Variants in MCTP2 observed in about 807,000 individuals in gnomAD.
MCTP2 encodes multiple C2 and transmembrane domain-containing protein 2.
MCTP2 carries 132 observed loss-of-function variants against 111.6 expected under a neutral mutation model. The ratio of observed to expected loss-of-function variants is 1.18; its 90% CI spans 1.03 to 1.37. The LOEUF (loss-of-function observed/expected upper bound fraction) is 1.37. Ranked by LOEUF, MCTP2 falls within the 40% of genes most tolerant of loss-of-function variation. The probability of loss-of-function intolerance (pLI) is 0.00; values close to 1 mark genes in which losing one functional copy is unlikely to be tolerated. For synonymous variants in MCTP2, 395 were observed against 387.7 expected (o/e 1.02, Z -0.22); for missense variants, 1,183 against 1,067.9 (o/e 1.11, Z -1.50).
At chr15:94,369,680 TAA>T (rs1465467245) in intron 11 of MCTP2, among the ~76,000 whole-genome samples, 2 of 152,156 alleles carry the variant, frequency 1.3e-5, no homozygotes, top group Non-Finnish European at 1.5e-5. Context: ...CTGGAATCCA[TAA>T]AGTTTGTACT....
chr15:94,397,840 AT>A (rs1232603555), intron 14 of MCTP2, among the ~76,000 whole-genome samples: 5 of 152,202 alleles, frequency 3.3e-5, no homozygotes, highest in Admixed American at 6.5e-5. Flanking sequence ...GAAATTTTTG[AT>A]CATTACAATC....
In MCTP2 at chr15:94,370,082, C is replaced by T. The variant is rs768394244; in HGVS notation, c.1489-5C>T. On this transcript the variant is annotated splice_polypyrimidine_tract_variant and splice_region_variant and intron_variant, in intron 11 of 22. Coordinates refer to ENST00000357742, the MANE Select transcript of MCTP2 (RefSeq NM_001385001.1). Reference sequence around the variant, plus strand: ...TTTCACTTGTATCACCTTTTCAACCCTCAGTGCTTACAGAACTCCCTGAAA... The same window carrying T: ...TTTCACTTGTATCACCTTTTCAACCTTCAGTGCTTACAGAACTCCCTGAAA... 5.0e-6 allele frequency: 8 copies of T among 1,605,514 alleles called. No homozygotes were observed. Among genetic ancestry groups the T allele is most frequent in the African/African-American group, 1.3e-5 (1 of 74,298 alleles).
At chr15:94,472,302 G>A (rs951327644) in intron 21 of MCTP2, among the ~76,000 whole-genome samples, 1 of 152,156 alleles carries the variant, frequency 6.6e-6, no homozygotes, top group African/African-American at 2.4e-5. Flanking sequence ...GCTTGAATCC[G>A]GGAGGCGGAA....
At chr15:94,345,679 C>T (rs1030765328) in intron 8 of MCTP2, among the ~76,000 whole-genome samples, 1 of 152,142 alleles carries the variant, frequency 6.6e-6, no homozygotes, top group African/African-American at 2.4e-5. Context: ...AGCAATTATA[C>T]ATTTCTGTCT....
chr15:94,466,191 T>C (rs944144389), intron 20 of MCTP2, among the ~76,000 whole-genome samples: 7 of 152,180 alleles, frequency 4.6e-5, no homozygotes, highest in African/African-American at 1.7e-4. Context: ...TATGATTTAA[T>C]ATATTGGATT....
Position 94,268,184 on chromosome 15 carries a change from CT to C in MCTP2, c.-65-30003del, listed in dbSNP as rs370731655. Among the ~76,000 whole-genome samples the C allele has an allele frequency of 5.2e-3, 687 of 132,250 alleles. 6 individuals are homozygous for C. The highest frequency in any genetic ancestry group is 0.016 in the African/African-American group (559 of 35,106). 86.8% of individuals were successfully genotyped at this position (132,250 alleles called of 152,430 possible). On this transcript the variant is annotated intron_variant, in intron 1 of 22. Coordinates refer to ENST00000357742, the MANE Select transcript of MCTP2 (RefSeq NM_001385001.1). Reference sequence around the variant, plus strand: ...CCCGGCCCAAATTCATTCTTTCTTTCTTTTTTTTTTTTTTGAGACAGAGTTT... The same window carrying C: ...CCCGGCCCAAATTCATTCTTTCTTTCTTTTTTTTTTTTTGAGACAGAGTTT...
rs1166874670 is a variant in MCTP2, at chr15:94,479,135, G to A, written c.*101G>A. ...GGTACCCAAGGTGTCCTTCTGAAAT[G>A]CATGCCCTGTGGCACCCTCTGTATA... On this transcript the variant is annotated 3_prime_UTR_variant, in exon 23 of 23. Transcript: ENST00000357742. 4.3e-6 allele frequency: 5 copies of A among 1,165,776 alleles called. No individual in the cohort carries two copies. In the East Asian group the frequency reaches 1.2e-4, roughly 28 times the overall value. 72.2% of individuals were successfully genotyped at this position (1,165,776 alleles called of 1,614,324 possible). A position where few individuals can be genotyped will look rare whatever the true frequency, so the allele number is the denominator to read the frequency against.
intron 18 of MCTP2, among the ~76,000 whole-genome samples, chr15:94,442,582 G>A (rs1261786584): frequency 1.2e-4 from 18 of 152,210 alleles, no homozygotes. Flanking sequence ...GGTATTCTCA[G>A]CCTTAACGTA....
intron 1 of MCTP2, among the ~76,000 whole-genome samples, chr15:94,243,726 CAT>C (rs1299813833): frequency 9.2e-6 from 1 of 108,432 alleles, no homozygotes; most frequent in African/African-American, 4.0e-5. Context: ...TATACACATA[CAT>C]ATGTGTATAC....
intron 2 of MCTP2, among the ~76,000 whole-genome samples, chr15:94,310,648 A>G (rs554761549): frequency 2.0e-5 from 3 of 151,926 alleles, no homozygotes; most frequent in Non-Finnish European, 4.4e-5. Flanking sequence ...CTCTATAAAA[A>G]TAAATTTTGT....
At chr15:94,413,170 G>A (rs1013594606) in intron 17 of MCTP2, among the ~76,000 whole-genome samples, 3 of 152,170 alleles carry the variant, frequency 2.0e-5, no homozygotes, top group African/African-American at 4.8e-5. Flanking sequence ...ACTCATAAAT[G>A]ATAAAATCCT....
At chr15:94,416,904 C>T (rs2082402210) in intron 17 of MCTP2, among the ~76,000 whole-genome samples, 1 of 152,162 alleles carries the variant, frequency 6.6e-6, no homozygotes, top group Non-Finnish European at 1.5e-5. Context: ...TCTACCACTA[C>T]CCCGAAGGCT....
At chr15:94,279,244 C>G (rs2074362128) in intron 1 of MCTP2, among the ~76,000 whole-genome samples, 1 of 152,102 alleles carries the variant, frequency 6.6e-6, no homozygotes, top group Admixed American at 6.5e-5. Flanking sequence ...TCCTCCAATT[C>G]AAGAGCATGG....
At chr15:94,410,035 C>T (rs1039674829) in intron 17 of MCTP2, among the ~76,000 whole-genome samples, 1 of 151,920 alleles carries the variant, frequency 6.6e-6, no homozygotes, top group African/African-American at 2.4e-5. Context: ...TGAAAACAAG[C>T]ATATCATAAG....
chr15:94,393,696 G>A (rs943446720), intron 14 of MCTP2, among the ~76,000 whole-genome samples: 1 of 152,080 alleles, frequency 6.6e-6, no homozygotes, highest in African/African-American at 2.4e-5. Context: ...CACTAGTACA[G>A]TATATACATT....
chr15:94,244,175 T>G (rs561637262), intron 1 of MCTP2, among the ~76,000 whole-genome samples: 10 of 146,896 alleles, frequency 6.8e-5, no homozygotes, highest in African/African-American at 2.5e-4. Flanking sequence ...TGTATACACA[T>G]ACGTATGTGT....
intron 1 of MCTP2, among the ~76,000 whole-genome samples, chr15:94,279,825 AT>A (rs1342290084): frequency 6.6e-6 from 1 of 152,002 alleles, no homozygotes; most frequent in African/African-American, 2.4e-5. Flanking sequence ...AGGATTTTGG[AT>A]TTTATCAAAA....
chr15:94,262,756 A>C (rs2073263839), intron 1 of MCTP2, among the ~76,000 whole-genome samples: 1 of 151,560 alleles, frequency 6.6e-6, no homozygotes, highest in African/African-American at 2.4e-5. Context: ...CTGCAACCTC[A>C]GCCTCCTGGG....
chr15:94,473,534 G>C (rs1183590480), intron 21 of MCTP2, among the ~76,000 whole-genome samples: 2 of 152,156 alleles, frequency 1.3e-5, no homozygotes, highest in Non-Finnish European at 2.9e-5. Flanking sequence ...GCTTTTCTTA[G>C]GATTAGATCC....
Sources: gnomAD v4.1 joint callset for allele counts (sites outside exome capture counted in the v4.1 genomes callset) on GRCh38, gnomAD v4.1.1 for gene constraint, MANE v1.5 for transcripts, NCBI Gene and HGNC (gene_info 2026-07-23, HGNC 2026-07-21) for gene names.